Variants in ELMO1 observed in about 807,000 individuals in gnomAD.
The protein encoded by ELMO1 is engulfment and cell motility protein 1.
Under a neutral mutation model 98.9 loss-of-function variants are expected in ELMO1, and 26 were observed. That is an observed-to-expected ratio of 0.26 (90% CI 0.19 to 0.36). The LOEUF is 0.36. Ranked by LOEUF, ELMO1 falls within the 10% of genes least tolerant of loss-of-function variation. The pLI is 1.00. For synonymous variants in ELMO1, 346 were observed against 346.0 expected (o/e 1.00, Z 0.00); for missense variants, 627 against 935.2 (o/e 0.67, Z 4.30).
chr7:37,336,809 A>G (rs1158992628), intron 2 of ELMO1, among the ~76,000 whole-genome samples: 1 of 152,232 alleles, frequency 6.6e-6, no homozygotes, highest in African/African-American at 2.4e-5. Flanking sequence ...AGCATGGAAC[A>G]ACATAGATGG....
At chr7:36,864,582 G>A (rs77493690) in intron 20 of ELMO1, among the ~76,000 whole-genome samples, 5,900 of 152,254 alleles carry the variant, frequency 0.039, 269 homozygotes, top group East Asian at 0.24. Context: ...CACTTGGAGC[G>A]GGGAGGCTGC....
chr7:37,418,294 T>C (rs115756752), intron 1 of ELMO1, among the ~76,000 whole-genome samples: 143 of 152,366 alleles, frequency 9.4e-4, no homozygotes, highest in African/African-American at 2.6e-3. Flanking sequence ...GTGTGTTTTT[T>C]AAAATTAATT....
intron 15 of ELMO1, among the ~76,000 whole-genome samples, chr7:37,040,291 C>A (rs1003677861): frequency 1.3e-5 from 2 of 152,144 alleles, no homozygotes; most frequent in Non-Finnish European, 2.9e-5. Flanking sequence ...AGTTTGGGAT[C>A]ATTTTCCTGA....
intron 7 of ELMO1, among the ~76,000 whole-genome samples, chr7:37,238,794 G>A (rs1324634563): frequency 1.3e-5 from 2 of 152,118 alleles, no homozygotes; most frequent in Non-Finnish European, 2.9e-5. Flanking sequence ...CCATTAAGAT[G>A]ATTTTTCTCT....
At chr7:37,053,154 A>C (rs1231449693) in intron 15 of ELMO1, among the ~76,000 whole-genome samples, 1 of 152,200 alleles carries the variant, frequency 6.6e-6, no homozygotes, top group African/African-American at 2.4e-5. Flanking sequence ...ACATATGCAC[A>C]TGGCCAAAAA....
intron 4 of ELMO1, among the ~76,000 whole-genome samples, chr7:37,312,032 A>T (rs1050823781): frequency 1.5e-4 from 23 of 152,240 alleles, no homozygotes; most frequent in African/African-American, 5.5e-4. Context: ...GATGTTAATA[A>T]TTTTCAAATT....
intron 13 of ELMO1, among the ~76,000 whole-genome samples, chr7:37,183,500 T>C (rs1484444494): frequency 1.3e-5 from 2 of 152,112 alleles, no homozygotes; most frequent in African/African-American, 2.4e-5. Context: ...CCAACTTTTA[T>C]CAGGGGAAGA....
At chr7:37,248,194 ATGTGTGTGTGTG>A (rs3054282) in intron 6 of ELMO1, among the ~76,000 whole-genome samples, 1 of 141,028 alleles carries the variant, frequency 7.1e-6, no homozygotes, top group Admixed American at 7.1e-5. Flanking sequence ...GGGATTTTAT[ATGTGTGTGTGTG>A]TGTGTGTGTG....
chr7:37,000,850 G>A (rs1246928840), intron 16 of ELMO1, among the ~76,000 whole-genome samples: 2 of 151,810 alleles, frequency 1.3e-5, no homozygotes, highest in African/African-American at 4.8e-5. Context: ...AGGGTATGTG[G>A]GTTAAGCAGG....
At chr7:37,352,175 T>G (rs1801301674) in intron 1 of ELMO1, among the ~76,000 whole-genome samples, 1 of 152,208 alleles carries the variant, frequency 6.6e-6, no homozygotes, top group African/African-American at 2.4e-5. Flanking sequence ...TGTAAAGACA[T>G]TAAATATCTT....
chr7:37,009,294 C>A (rs1318350846), intron 16 of ELMO1, among the ~76,000 whole-genome samples: 1 of 152,206 alleles, frequency 6.6e-6, no homozygotes, highest in East Asian at 1.9e-4. Flanking sequence ...ATAGAACACA[C>A]ACTCAATGGC....
chr7:37,401,866 G>A (rs1186068077), intron 1 of ELMO1, among the ~76,000 whole-genome samples: 1 of 152,170 alleles, frequency 6.6e-6, no homozygotes, highest in Non-Finnish European at 1.5e-5. Context: ...CCAAAGGAAA[G>A]GAGTTGAAGA....
At chr7:37,188,505 A>AATAATC (rs1791380250) in intron 13 of ELMO1, among the ~76,000 whole-genome samples, 1 of 135,230 alleles carries the variant, frequency 7.4e-6, no homozygotes, top group Non-Finnish European at 1.6e-5. Flanking sequence ...AAAAAAAAAT[A>AATAATC]ATAATAATAA....
intron 16 of ELMO1, among the ~76,000 whole-genome samples, chr7:36,915,408 G>A (rs1784620065): frequency 1.3e-5 from 2 of 152,158 alleles, no homozygotes; most frequent in South Asian, 4.2e-4. Flanking sequence ...AAGATAGGAG[G>A]GGGAAAGAGT....
At chr7:36,976,399 G>C (rs1303451860) in intron 16 of ELMO1, among the ~76,000 whole-genome samples, 5 of 152,300 alleles carry the variant, frequency 3.3e-5, no homozygotes, top group African/African-American at 1.2e-4. Flanking sequence ...AATACTTCCT[G>C]TGAACAGAAG....
chr7:37,441,147 A>G (rs1461050504), intron 1 of ELMO1, among the ~76,000 whole-genome samples: 1 of 151,912 alleles, frequency 6.6e-6, no homozygotes, highest in Non-Finnish European at 1.5e-5. Flanking sequence ...GAACTGAAAA[A>G]AAAAAAAAGA....
chr7:37,023,835 C>A (rs1481345015), intron 15 of ELMO1, among the ~76,000 whole-genome samples: 1 of 152,126 alleles, frequency 6.6e-6, no homozygotes, highest in African/African-American at 2.4e-5. Flanking sequence ...CTGCCCACCT[C>A]AGCCTCTCAA....
chr7:37,289,625 C>T (rs1425084119), intron 4 of ELMO1, among the ~76,000 whole-genome samples: 15 of 152,108 alleles, frequency 9.9e-5, no homozygotes, highest in Non-Finnish European at 1.2e-4. Context: ...TAGTATGAGA[C>T]GAAGAGAGGA....
At chr7:37,125,804 C>G (rs1786468696) in intron 14 of ELMO1, among the ~76,000 whole-genome samples, 1 of 152,138 alleles carries the variant, frequency 6.6e-6, no homozygotes, top group Admixed American at 6.5e-5. Flanking sequence ...TGGGTATATA[C>G]CCAAAGGATT....
Sources: allele counts gnomAD v4.1 joint callset (sites outside exome capture counted in the v4.1 genomes callset), GRCh38; gene constraint gnomAD v4.1.1; transcripts MANE v1.5; gene names NCBI Gene and HGNC (gene_info 2026-07-23, HGNC 2026-07-21).